Variants in SAMD3 observed in about 807,000 individuals in gnomAD.
The protein encoded by SAMD3 is sterile alpha motif domain containing 3, also known as sterile alpha motif domain-containing protein 3.
SAMD3 carries 63 observed loss-of-function variants against 58.5 expected under a neutral mutation model. That is an observed-to-expected ratio of 1.08 (90% CI 0.88 to 1.33). The LOEUF is 1.33. Ranked by LOEUF, SAMD3 falls within the 40% of genes most tolerant of loss-of-function variation. The probability of loss-of-function intolerance (pLI) is 0.00; values close to 1 mark genes in which losing one functional copy is unlikely to be tolerated. For missense variants in SAMD3, 604 were observed against 608.4 expected (o/e 0.99, Z 0.08); for synonymous variants, 220 against 210.3 (o/e 1.05, Z -0.40).
chr6:130,180,553 A>G (rs1354556044), intron 7 of SAMD3, among the ~76,000 whole-genome samples: 1 of 152,196 alleles, frequency 6.6e-6, no homozygotes, highest in Non-Finnish European at 1.5e-5. Flanking sequence ...TGGCAAAAAA[A>G]TCCCTAATCT....
chr6:130,322,670 A>C (rs551905131), intron 1 of SAMD3, among the ~76,000 whole-genome samples: 1 of 152,326 alleles, frequency 6.6e-6, no homozygotes, highest in South Asian at 2.1e-4. Context: ...CAAATGGTTC[A>C]ATGGTTTTAT....
intron 1 of SAMD3, among the ~76,000 whole-genome samples, chr6:130,359,094 GA>G (rs938951874): frequency 3.3e-5 from 5 of 152,088 alleles, no homozygotes; most frequent in African/African-American, 1.2e-4. Flanking sequence ...GTAAAATGGA[GA>G]AAAAATTAGT....
intron 2 of SAMD3, among the ~76,000 whole-genome samples, chr6:130,277,083 T>A (rs1290465810): frequency 6.6e-6 from 1 of 152,190 alleles, no homozygotes; most frequent in Non-Finnish European, 1.5e-5. Flanking sequence ...ATCTTGTGAC[T>A]TATGGCCACA....
At chr6:130,265,878 T>C (rs141497103) in intron 2 of SAMD3, among the ~76,000 whole-genome samples, 6,938 of 152,236 alleles carry the variant, frequency 0.046, 521 homozygotes, top group African/African-American at 0.16. Context: ...AGAAAGAGGC[T>C]ATATGGCAGA....
intron 2 of SAMD3, among the ~76,000 whole-genome samples, chr6:130,265,742 C>G (rs903168174): frequency 6.6e-6 from 1 of 150,556 alleles, no homozygotes; most frequent in Non-Finnish European, 1.5e-5. Flanking sequence ...GGCTCATAAA[C>G]GATATGAGTA....
chr6:130,156,346 A>G (rs1302599357), intron 8 of SAMD3, among the ~76,000 whole-genome samples: 1 of 152,124 alleles, frequency 6.6e-6, no homozygotes, highest in African/African-American at 2.4e-5. Flanking sequence ...AAGAAAAAAA[A>G]GGAATACTCT....
At chr6:130,271,075 C>A (rs1052381162) in intron 2 of SAMD3, among the ~76,000 whole-genome samples, 2 of 151,978 alleles carry the variant, frequency 1.3e-5, no homozygotes, top group African/African-American at 2.4e-5. Context: ...TCTTGGTTCA[C>A]TGCAACCTCC....
chr6:130,207,159 C>CAAAAAAAAAAA, intron 5 of SAMD3, among the ~76,000 whole-genome samples: 1 of 52,704 alleles, frequency 1.9e-5, no homozygotes, highest in Non-Finnish European at 4.0e-5. Context: ...CCCATCTCAT[C>CAAAAAAAAAAA]AAAAAAAAAA....
At chr6:130,175,074 T>C (rs558946315) in intron 8 of SAMD3, among the ~76,000 whole-genome samples, 2 of 152,250 alleles carry the variant, frequency 1.3e-5, no homozygotes, top group East Asian at 3.9e-4. Flanking sequence ...TGTTGAAGAG[T>C]TAGGATTTAC....
chr6:130,151,951 G>A lies in SAMD3; in HGVS notation c.1023+2874C>T, dbSNP rs138464863. ...CTTGTGCAACATCCAGTAGATCCCA[G>A]TAACACATTCCTAGTTGATAATATT... On this transcript the variant is annotated intron_variant, in intron 9 of 11. Transcript: ENST00000439090. Among the ~76,000 whole-genome samples the A allele has an allele frequency of 4.2e-3, 643 of 152,314 alleles. 7 individuals are homozygous for A. Among genetic ancestry groups the A allele is most frequent in the Non-Finnish European group, 3.2e-3 (217 of 68,026 alleles).
In SAMD3 at chr6:130,163,147, T is replaced by C. The variant is rs567692739; in HGVS notation, c.823-8122A>G. ...AACACTGTATTTCAACTATTTAGTATGCAAAAAAAAAGAATGTAAAATATC... is the reference window on the plus strand; with the variant it reads ...AACACTGTATTTCAACTATTTAGTACGCAAAAAAAAAGAATGTAAAATATC... On this transcript the variant is annotated intron_variant, in intron 8 of 11. Coordinates refer to ENST00000439090, the MANE Select transcript of SAMD3 (RefSeq NM_001017373.4). Among the ~76,000 whole-genome samples, 17 of 150,202 alleles carry C rather than the reference T, an allele frequency of 1.1e-4. No homozygotes were observed. The South Asian group carries it at 3.5e-3, about 31-fold the overall frequency.
intron 5 of SAMD3, among the ~76,000 whole-genome samples, chr6:130,195,808 G>A (rs4897374): frequency 2.6e-5 from 4 of 151,888 alleles, no homozygotes; most frequent in Admixed American, 6.6e-5. Flanking sequence ...TCTCCCTGCC[G>A]ATCATGTCTG....
chr6:130,240,706 G>T (rs1773325850), intron 2 of SAMD3, among the ~76,000 whole-genome samples: 1 of 152,072 alleles, frequency 6.6e-6, no homozygotes, highest in Non-Finnish European at 1.5e-5. Flanking sequence ...GGCTTATGAG[G>T]TTTGATTCTC....
intron 5 of SAMD3, among the ~76,000 whole-genome samples, chr6:130,205,748 A>C (rs961822149): frequency 2.0e-5 from 3 of 152,212 alleles, no homozygotes; most frequent in Non-Finnish European, 2.9e-5. Context: ...TAAAGTGATC[A>C]GTTTTATTAG....
chr6:130,173,078 T>C (rs939474207), intron 8 of SAMD3, among the ~76,000 whole-genome samples: 1 of 152,172 alleles, frequency 6.6e-6, no homozygotes, highest in Non-Finnish European at 1.5e-5. Flanking sequence ...AAACTGGTTA[T>C]TCTAGTTAAC....
At chr6:130,259,188 G>T (rs1020974995) in intron 2 of SAMD3, among the ~76,000 whole-genome samples, 2 of 152,154 alleles carry the variant, frequency 1.3e-5, no homozygotes, top group Non-Finnish European at 2.9e-5. Context: ...GTTTTATGCT[G>T]CTATAAAGGA....
At chr6:130,166,401 T>C in intron 8 of SAMD3, among the ~76,000 whole-genome samples, 1 of 152,034 alleles carries the variant, frequency 6.6e-6, no homozygotes, top group East Asian at 1.9e-4. Flanking sequence ...TGCTGTTAAA[T>C]AGAGATCTCC....
intron 1 of SAMD3, among the ~76,000 whole-genome samples, chr6:130,220,553 T>G (rs1796178766): frequency 6.6e-6 from 1 of 152,216 alleles, no homozygotes; most frequent in Non-Finnish European, 1.5e-5. Context: ...CTATTGAATT[T>G]TATGAAAAGC....
intron 2 of SAMD3, among the ~76,000 whole-genome samples, chr6:130,261,378 G>A (rs372132641): frequency 6.6e-6 from 1 of 151,812 alleles, no homozygotes; most frequent in Admixed American, 6.6e-5. Context: ...ACCGGTCTTG[G>A]GAACTTGCCT....
Sources: gnomAD v4.1 joint callset for allele counts (sites outside exome capture counted in the v4.1 genomes callset) on GRCh38, gnomAD v4.1.1 for gene constraint, MANE v1.5 for transcripts, NCBI Gene and HGNC (gene_info 2026-07-23, HGNC 2026-07-21) for gene names.